The following CFAP299 variants were observed in gnomAD, a reference collection of about 807,000 sequenced individuals.
The protein encoded by CFAP299 is cilia and flagella associated protein 299.
CFAP299 carries 21 observed loss-of-function variants against 27.0 expected under a neutral mutation model. The observed-to-expected ratio is 0.78, with a 90% CI of 0.55 to 1.12. The LOEUF is 1.12. CFAP299 is among the 50% of genes most tolerant of loss of function. The pLI is 0.00. For synonymous variants in CFAP299, 104 were observed against 98.1 expected (o/e 1.06, Z -0.36); for missense variants, 310 against 276.6 (o/e 1.12, Z -0.86).
chr4:80,558,362 G>T (rs73832417), intron 2 of CFAP299, among the ~76,000 whole-genome samples: 33,383 of 123,858 alleles, frequency 0.27, 6,277 homozygotes, highest in African/African-American at 0.55. Context: ...TTGTTTGTTT[G>T]TTTGTTTTTT....
chr4:80,702,552 AT>A (rs1405694629), intron 3 of CFAP299, among the ~76,000 whole-genome samples: 2 of 151,890 alleles, frequency 1.3e-5, no homozygotes, highest in African/African-American at 4.8e-5. Flanking sequence ...AGATAAGACC[AT>A]ACAACTATTT....
chr4:80,758,555 C>T (rs924374704), intron 3 of CFAP299, among the ~76,000 whole-genome samples: 1 of 152,148 alleles, frequency 6.6e-6, no homozygotes, highest in Non-Finnish European at 1.5e-5. Context: ...AGAGTGGGCT[C>T]TCGCCAGAGA....
intron 2 of CFAP299, among the ~76,000 whole-genome samples, chr4:80,572,507 GTTTTTTTTTTTTTTT>G (rs550414533): frequency 2.7e-5 from 1 of 36,380 alleles, no homozygotes; most frequent in Non-Finnish European, 5.2e-5. Flanking sequence ...CTGGATCCCA[GTTTTTTTTTTTTTTT>G]TTTTTTTTTT....
At chr4:80,781,444 A>G (rs1726872290) in intron 3 of CFAP299, among the ~76,000 whole-genome samples, 1 of 152,062 alleles carries the variant, frequency 6.6e-6, no homozygotes, top group Non-Finnish European at 1.5e-5. Context: ...CTACAAGAGT[A>G]AATTATTTTT....
chr4:80,405,302 G>C (rs1361281606), intron 2 of CFAP299, among the ~76,000 whole-genome samples: 1 of 152,126 alleles, frequency 6.6e-6, no homozygotes, highest in East Asian at 1.9e-4. Flanking sequence ...ACTCCTGATG[G>C]GGATTACAAA....
intron 4 of CFAP299, among the ~76,000 whole-genome samples, chr4:80,874,339 G>T (rs888917902): frequency 2.6e-5 from 4 of 152,084 alleles, no homozygotes; most frequent in African/African-American, 7.2e-5. Context: ...TCCTTGATAC[G>T]CAAAGTATAG....
chr4:80,574,739 A>G (rs563153581), intron 2 of CFAP299, among the ~76,000 whole-genome samples: 8 of 152,046 alleles, frequency 5.3e-5, no homozygotes, highest in Non-Finnish European at 1.0e-4. Context: ...GTCCTTTGTT[A>G]TGTTGATGTG....
intron 3 of CFAP299, among the ~76,000 whole-genome samples, chr4:80,601,400 A>G (rs1737343010): frequency 6.6e-6 from 1 of 152,218 alleles, no homozygotes; most frequent in Admixed American, 6.5e-5. Flanking sequence ...GATGTAAGTC[A>G]TATGAATAAA....
chr4:80,604,858 C>G (rs1351603104), intron 3 of CFAP299, among the ~76,000 whole-genome samples: 3 of 144,722 alleles, frequency 2.1e-5, no homozygotes, highest in African/African-American at 7.8e-5. Flanking sequence ...GACTTTGTAT[C>G]AGACACTTGT....
intron 2 of CFAP299, among the ~76,000 whole-genome samples, chr4:80,404,735 CTGTGG>C (rs1726329081): frequency 2.6e-5 from 4 of 152,178 alleles, no homozygotes; most frequent in African/African-American, 9.7e-5. Flanking sequence ...AATGATGCTA[CTGTGG>C]ACATAGATGT....
At chr4:80,753,743 T>A (rs1463561425) in intron 3 of CFAP299, among the ~76,000 whole-genome samples, 3 of 152,196 alleles carry the variant, frequency 2.0e-5, no homozygotes, top group Non-Finnish European at 4.4e-5. Context: ...AGTTCACTGA[T>A]TCTTTTTTCT....
At chr4:80,427,906 T>TA (rs1727603606) in intron 2 of CFAP299, among the ~76,000 whole-genome samples, 1 of 152,216 alleles carries the variant, frequency 6.6e-6, no homozygotes, top group African/African-American at 2.4e-5. Flanking sequence ...TATTAATTTT[T>TA]ATCTATTAAT....
At chr4:80,610,990 A>G (rs1307050401) in intron 3 of CFAP299, among the ~76,000 whole-genome samples, 1 of 152,054 alleles carries the variant, frequency 6.6e-6, no homozygotes, top group African/African-American at 2.4e-5. Context: ...TTTAGAGCAC[A>G]CTGTAAATCT....
At chr4:80,909,222 G>A (rs1735346709) in intron 4 of CFAP299, among the ~76,000 whole-genome samples, 1 of 151,308 alleles carries the variant, frequency 6.6e-6, no homozygotes, top group African/African-American at 2.4e-5. Flanking sequence ...ACTAAATTTG[G>A]TTCAATGGTC....
chr4:80,481,379 A>G (rs1036885444), intron 2 of CFAP299, among the ~76,000 whole-genome samples: 2 of 152,122 alleles, frequency 1.3e-5, no homozygotes, highest in African/African-American at 4.8e-5. Context: ...TATATTAGTG[A>G]GCTATTGATT....
At chr4:80,550,665 A>G (rs1179107085) in intron 2 of CFAP299, among the ~76,000 whole-genome samples, 1 of 152,004 alleles carries the variant, frequency 6.6e-6, no homozygotes, top group Non-Finnish European at 1.5e-5. Flanking sequence ...TGATGTTAAC[A>G]ATGTTTCTAA....
At chr4:80,523,365 T>A (rs1166032264) in intron 2 of CFAP299, among the ~76,000 whole-genome samples, 1 of 152,164 alleles carries the variant, frequency 6.6e-6, no homozygotes, top group East Asian at 1.9e-4. Flanking sequence ...GTATTGTAAA[T>A]TGATCATAAA....
At position 80,362,842 on chromosome 4, in the gene CFAP299, C is replaced by T. The variant is rs769623995; in HGVS notation, c.200C>T (p.Ala67Val). The T allele has an allele frequency of 9.6e-5, 155 of 1,612,564 alleles. No individual in the cohort carries two copies. The highest frequency in any genetic ancestry group is 1.2e-4 in the Non-Finnish European group (140 of 1,179,624). ...AGGGAAGATTTTGAAGCAAGGAAAG[C>T]GGCTATAGAGATTGCAAGACTGGCT... ...VKREDFEARKAAIEIARLAER... is the reference protein window; with the variant it reads ...VKREDFEARKVAIEIARLAER... Residue 67 changes from alanine (A) to valine (V), a missense_variant, in exon 2 of 6, where the codon GCG (alanine) becomes GTG (valine). Coordinates refer to ENST00000358105, the MANE Select transcript of CFAP299 (RefSeq NM_152770.3).
At chr4:80,578,846 T>C (rs1047497047) in intron 2 of CFAP299, among the ~76,000 whole-genome samples, 1 of 152,210 alleles carries the variant, frequency 6.6e-6, no homozygotes, top group Non-Finnish European at 1.5e-5. Flanking sequence ...ACTTAACCTA[T>C]GACTGTCTTA....
Sources: allele counts gnomAD v4.1 joint callset (sites outside exome capture counted in the v4.1 genomes callset), GRCh38; gene constraint gnomAD v4.1.1; transcripts MANE v1.5; gene names NCBI Gene and HGNC (gene_info 2026-07-23, HGNC 2026-07-21).